Variants in EXOC2 observed in about 807,000 individuals in gnomAD.
EXOC2 encodes SEC5-like 1.
EXOC2 carries 70 observed loss-of-function variants against 131.8 expected under a neutral mutation model. The ratio of observed to expected loss-of-function variants is 0.53; its 90% confidence interval spans 0.44 to 0.65. The LOEUF (loss-of-function observed/expected upper bound fraction) is 0.65. Among genes scored for constraint, EXOC2 ranks in the 30% least tolerant of loss-of-function variants. The probability of loss-of-function intolerance (pLI) is 0.00; values close to 1 mark genes in which losing one functional copy is unlikely to be tolerated. For missense variants in EXOC2, 923 were observed against 1,108.6 expected (o/e 0.83, Z 2.38); for synonymous variants, 411 against 398.4 (o/e 1.03, Z -0.38).
intron 11 of EXOC2, among the ~76,000 whole-genome samples, chr6:590,110 G>A (rs933066727): frequency 1.0e-5 from 1 of 95,910 alleles, no homozygotes; most frequent in Non-Finnish European, 2.5e-5. Context: ...GCGAGACTCT[G>A]TCTGGAAAAA....
intron 23 of EXOC2, among the ~76,000 whole-genome samples, chr6:502,114 C>A (rs983738530): frequency 6.6e-6 from 1 of 152,164 alleles, no homozygotes; most frequent in South Asian, 2.1e-4. Context: ...CTAAGCCGCA[C>A]GCCATGGAGG....
rs995171672 is a variant in EXOC2 at position 486,267 on chromosome 6, G to C, written c.*404C>G. On this transcript the variant is annotated 3_prime_UTR_variant, in exon 28 of 28. Transcript: ENST00000230449. ...ATGTCTACATAGCTTTCCAAATCTC[G>C]TATCAGTCAGTCTCTCCGTGTGTCG... 1.8e-5 allele frequency: 3 copies of C among 162,800 alleles called. No individual in the cohort carries two copies. Among genetic ancestry groups the C allele is most frequent in the African/African-American group, 7.2e-5 (3 of 41,640 alleles). 10.1% of individuals were successfully genotyped at this position (162,800 alleles called of 1,614,324 possible).
At chr6:511,113 G>A (rs987807746) in intron 23 of EXOC2, among the ~76,000 whole-genome samples, 2 of 152,202 alleles carry the variant, frequency 1.3e-5, no homozygotes, top group Admixed American at 1.3e-4. Context: ...ATTTTCCTGC[G>A]TGGTCCCTGT....
intron 17 of EXOC2, among the ~76,000 whole-genome samples, chr6:562,581 T>C (rs546766863): frequency 6.6e-6 from 1 of 152,370 alleles, no homozygotes; most frequent in African/African-American, 2.4e-5. Context: ...AGGTCAAGTC[T>C]AAAAGAAACG....
At chr6:571,165 C>T (rs1758256434) in intron 13 of EXOC2, among the ~76,000 whole-genome samples, 1 of 152,194 alleles carries the variant, frequency 6.6e-6, no homozygotes, top group African/African-American at 2.4e-5. Context: ...TCTGTATAGT[C>T]AACTTTTCAA....
At chr6:590,883 G>C (rs890360673) in intron 11 of EXOC2, among the ~76,000 whole-genome samples, 2 of 152,082 alleles carry the variant, frequency 1.3e-5, no homozygotes, top group Non-Finnish European at 2.9e-5. Flanking sequence ...TCAGTCTCTA[G>C]ATCCAACTAC....
At chr6:510,619 C>G (rs899174953) in intron 23 of EXOC2, among the ~76,000 whole-genome samples, 1 of 152,172 alleles carries the variant, frequency 6.6e-6, no homozygotes, top group Admixed American at 6.5e-5. Flanking sequence ...GTGGAAAAAA[C>G]TCTCCCCTCT....
At chr6:637,993 G>T in intron 1 of EXOC2, 132 bp from the exon 2 acceptor site, 1 of 593,876 alleles carries the variant, frequency 1.7e-6, no homozygotes, top group South Asian at 2.2e-5. Context: ...TTTTTTAGGG[G>T]TCATTTAGCC....
At chr6:532,724 A>G in intron 22 of EXOC2, 114 bp from the exon 23 acceptor site, 1 of 1,051,964 alleles carries the variant, frequency 9.5e-7, no homozygotes, top group Non-Finnish European at 1.3e-6. Flanking sequence ...CAATTTTCCT[A>G]CAAAAACTCG....
intron 21 of EXOC2, among the ~76,000 whole-genome samples, chr6:550,239 C>T (rs1304621935): frequency 6.6e-6 from 1 of 152,184 alleles, no homozygotes; most frequent in Non-Finnish European, 1.5e-5. Flanking sequence ...CTGTGCATAA[C>T]CAGAATAACT....
At chr6:569,101 T>C (rs978486546) in intron 13 of EXOC2, among the ~76,000 whole-genome samples, 13 of 152,254 alleles carry the variant, frequency 8.5e-5, no homozygotes, top group African/African-American at 2.7e-4. Flanking sequence ...TTTTGGAATA[T>C]GTAAGGCATT....
At position 549,214 on chromosome 6, in the gene EXOC2, A is replaced by G; in HGVS notation, c.2199T>C (p.Phe733=). The change falls in exon 22 of 28, where the codon TTT becomes TTC. Residue 733 remains phenylalanine (F), a synonymous_variant. Coordinates refer to ENST00000230449, the MANE Select transcript of EXOC2 (RefSeq NM_018303.6). ...CTATTCCCTGGAAGTTGTGCTTTTC[A>G]AAATGTTCTGCGATATTTAGGAAGG... is the stretch of plus-strand genomic sequence containing the variant. ...RHTFLNIAEH[F]EKHNFQGIEK... 3 of 1,614,206 alleles carry G rather than the reference A, an allele frequency of 1.9e-6. No homozygotes were observed. Among genetic ancestry groups the G allele is most frequent in the Non-Finnish European group, 2.5e-6 (3 of 1,180,036 alleles).
At chr6:488,895 TC>T (rs747792813) in intron 27 of EXOC2, 83 bp downstream of exon 27, 4 of 1,390,614 alleles carry the variant, frequency 2.9e-6, no homozygotes, top group Non-Finnish European at 4.0e-6. Flanking sequence ...AGAATCCAAA[TC>T]ATTATTTTTA....
rs554425057 is a variant in EXOC2, at chr6:511,679, G to A, written c.2381-11979C>T. Among the ~76,000 whole-genome samples, 5 of 152,368 alleles carry A rather than the reference G, an allele frequency of 3.3e-5. No individual in the cohort carries two copies. The South Asian group carries it at 1.0e-3, about 32-fold the overall frequency. The stretch of plus-strand genomic sequence containing the variant: ...TGCAGGGGCCTGCGTTTCTAAAGCT[G>A]CAAGGCCAGCTTAGAGTGCACTCCA... On this transcript the variant is annotated intron_variant, in intron 23 of 27. Coordinates refer to ENST00000230449, the MANE Select transcript of EXOC2 (RefSeq NM_018303.6).
chr6:655,393 C>G (rs1370292026), intron 1 of EXOC2, among the ~76,000 whole-genome samples: 1 of 152,164 alleles, frequency 6.6e-6, no homozygotes, highest in Non-Finnish European at 1.5e-5. Flanking sequence ...GCAAACATAA[C>G]TTTTATATGT....
chr6:549,348 G>A, intron 21 of EXOC2, 57 bp from the exon 22 acceptor site: 2 of 1,237,696 alleles, frequency 1.6e-6, no homozygotes, highest in Non-Finnish European at 2.4e-6. Flanking sequence ...GAGAATAGCT[G>A]ATTAACACTT....
intron 17 of EXOC2, among the ~76,000 whole-genome samples, chr6:557,893 C>T (rs1226966066): frequency 6.6e-6 from 1 of 152,078 alleles, no homozygotes; most frequent in Non-Finnish European, 1.5e-5. Flanking sequence ...CAAACATGAG[C>T]ACAAGTCTTG....
chr6:535,327 C>T (rs748443515), intron 22 of EXOC2, among the ~76,000 whole-genome samples: 9 of 151,972 alleles, frequency 5.9e-5, no homozygotes, highest in Non-Finnish European at 1.0e-4. Context: ...ATTCAACTAC[C>T]GTACTCCAAT....
intron 17 of EXOC2, among the ~76,000 whole-genome samples, chr6:560,038 C>T (rs1356939589): frequency 2.0e-5 from 3 of 152,224 alleles, no homozygotes; most frequent in African/African-American, 4.8e-5. Flanking sequence ...GGCCTGTCTT[C>T]AGGCTTGCTG....
Sources: gnomAD v4.1 joint callset for allele counts (sites outside exome capture counted in the v4.1 genomes callset) on GRCh38, gnomAD v4.1.1 for gene constraint, MANE v1.5 for transcripts, NCBI Gene and HGNC (gene_info 2026-07-23, HGNC 2026-07-21) for gene names.